IDE: variants seen among roughly 807,000 people sequenced by gnomAD.
IDE encodes insulin-degrading enzyme.
Under a neutral mutation model 133.2 loss-of-function variants are expected in IDE, and 58 were observed. That is an observed-to-expected ratio of 0.44 (90% CI 0.35 to 0.54). The LOEUF is 0.54. IDE is among the 20% of genes least tolerant of loss of function. The probability of loss-of-function intolerance (pLI) is 0.00; values close to 1 mark genes in which losing one functional copy is unlikely to be tolerated. For synonymous variants in IDE, 396 were observed against 421.3 expected, an observed-to-expected ratio of 0.94 and a Z score of 0.73; for missense variants, 981 against 1,234.0, an observed-to-expected ratio of 0.79 and a Z score of 3.07.
At chr10:92,490,159 G>A (rs906461451) in intron 12 of IDE, among the ~76,000 whole-genome samples, 1 of 152,194 alleles carries the variant, frequency 6.6e-6, no homozygotes, top group Non-Finnish European at 1.5e-5. Context: ...GAGCTCTTTG[G>A]AGCCCTTGCA....
chr10:92,489,145 C>A (rs762985599), intron 12 of IDE, among the ~76,000 whole-genome samples: 1 of 152,078 alleles, frequency 6.6e-6, no homozygotes, highest in African/African-American at 2.4e-5. Context: ...GCACTGGGGA[C>A]GTTGGCCATA....
chr10:92,491,417 T>C (rs1046534341), intron 11 of IDE, among the ~76,000 whole-genome samples: 1 of 152,084 alleles, frequency 6.6e-6, no homozygotes, highest in African/African-American at 2.4e-5. Context: ...TATGTTTTTT[T>C]CCCTGCCAGA....
intron 14 of IDE, among the ~76,000 whole-genome samples, chr10:92,482,976 T>C (rs1231184332): frequency 6.6e-6 from 1 of 152,080 alleles, no homozygotes; most frequent in East Asian, 1.9e-4. Context: ...GAGACGGGGT[T>C]TCACCGTGTT....
At chr10:92,536,859 G>A (rs1842034696) in intron 2 of IDE, among the ~76,000 whole-genome samples, 1 of 151,982 alleles carries the variant, frequency 6.6e-6, no homozygotes, top group Admixed American at 6.6e-5. Context: ...CCAACATGGT[G>A]AAACCCCATC....
At chr10:92,525,890 C>T (rs1849599879) in intron 4 of IDE, among the ~76,000 whole-genome samples, 1 of 152,024 alleles carries the variant, frequency 6.6e-6, no homozygotes, top group East Asian at 1.9e-4. Context: ...GGCGCAGTGG[C>T]TCACACCTCT....
At chr10:92,564,178 C>T (rs1835318705) in intron 1 of IDE, among the ~76,000 whole-genome samples, 1 of 151,836 alleles carries the variant, frequency 6.6e-6, no homozygotes, top group South Asian at 2.1e-4. Context: ...AAGGAGCAAG[C>T]CAAGAAAGAA....
intron 12 of IDE, among the ~76,000 whole-genome samples, chr10:92,490,189 A>C (rs1847259785): frequency 6.6e-6 from 1 of 152,158 alleles, no homozygotes; most frequent in Admixed American, 6.5e-5. Flanking sequence ...CATGCTTCCT[A>C]CTTCCATCGC....
chr10:92,504,830 T>C lies in IDE; in HGVS notation c.1394A>G (p.Glu465Gly). 2 of 1,596,162 alleles carry C rather than the reference T, an allele frequency of 1.3e-6. No individual in the cohort carries two copies. The highest frequency in any genetic ancestry group is 1.7e-6 in the Non-Finnish European group (2 of 1,168,524). ...TGGTCTGAGTTTATCGAGAACCATCTCTATTAAGTCAGGTCTAAATTCTTC... is the reference window on the plus strand; with the variant it reads ...TGGTCTGAGTTTATCGAGAACCATCCCTATTAAGTCAGGTCTAAATTCTTC... ...LLEEFRPDLI[E>G]MVLDKLRPEN... is the part of the protein sequence containing the mutation. The change falls in exon 11 of 25, where the codon GAG (glutamate) becomes GGG (glycine). Residue 465 changes from glutamate (E) to glycine (G), a missense_variant. Physicochemically the swap from Glu to Gly is moderately conservative, Grantham distance 98. This residue lies in a region of IDE where 660 missense variants were observed against 894.7 expected (regional missense o/e 0.74). Transcript: ENST00000265986.
Position 92,453,346 on chromosome 10 carries a change from T to C in IDE, c.*1098A>G, listed in dbSNP as rs968634705. The C allele has an allele frequency of 1.3e-5, 2 of 152,234 alleles. No homozygotes were observed. Among genetic ancestry groups the C allele is most frequent in the African/African-American group, 2.4e-5 (1 of 41,462 alleles). 9.4% of individuals were successfully genotyped at this position (152,234 alleles called of 1,614,324 possible). A position where few individuals can be genotyped will look rare whatever the true frequency, so the allele number is the denominator to read the frequency against. On this transcript the variant is annotated 3_prime_UTR_variant, in exon 25 of 25. Coordinates refer to ENST00000265986, the MANE Select transcript of IDE (RefSeq NM_004969.4). ...ATCTGTGTTTATATGTTTATATTTATATATTCAAAAAATAACTTAACATTT... is the reference window on the plus strand; with the variant it reads ...ATCTGTGTTTATATGTTTATATTTACATATTCAAAAAATAACTTAACATTT...
At chr10:92,481,360 T>G (rs915036493) in intron 14 of IDE, among the ~76,000 whole-genome samples, 2 of 152,162 alleles carry the variant, frequency 1.3e-5, no homozygotes, top group Non-Finnish European at 2.9e-5. Flanking sequence ...GAGGATCACT[T>G]GAGCCCAAGA....
At chr10:92,526,428 C>T (rs1000761110) in intron 4 of IDE, among the ~76,000 whole-genome samples, 1 of 152,062 alleles carries the variant, frequency 6.6e-6, no homozygotes, top group Non-Finnish European at 1.5e-5. Context: ...TCCTACTGTC[C>T]TTTCACAGCT....
intron 1 of IDE, among the ~76,000 whole-genome samples, chr10:92,552,892 A>C (rs979590335): frequency 1.4e-5 from 2 of 141,856 alleles, no homozygotes; most frequent in African/African-American, 5.0e-5. Flanking sequence ...TTTTCCAATA[A>C]AAGGAACTAA....
intron 11 of IDE, among the ~76,000 whole-genome samples, chr10:92,500,288 A>G (rs1847934622): frequency 6.7e-6 from 1 of 150,294 alleles, no homozygotes; most frequent in Admixed American, 6.7e-5. Flanking sequence ...CAAGAGTGAA[A>G]CTCCATCTCA....
intron 2 of IDE, among the ~76,000 whole-genome samples, chr10:92,536,568 C>T (rs1305707746): frequency 4.1e-5 from 6 of 147,836 alleles, no homozygotes; most frequent in Non-Finnish European, 7.5e-5. Context: ...CGTGGTGGCA[C>T]GCGCCTGTAA....
chr10:92,534,891 C>G (rs940005617), intron 2 of IDE, 106 bp from the exon 3 acceptor site: 1 of 753,800 alleles, frequency 1.3e-6, no homozygotes, highest in Non-Finnish European at 2.2e-6. Context: ...ACTATATAAT[C>G]AGAGAAAGTT....
chr10:92,479,359 T>C lies in IDE; in HGVS notation c.1802A>G (p.Lys601Arg), dbSNP rs1846465518. 3 of 1,613,222 alleles carry C rather than the reference T, an allele frequency of 1.9e-6. No homozygotes were observed. Among genetic ancestry groups the C allele is most frequent in the African/African-American group, 2.7e-5 (2 of 75,020 alleles). The change falls in exon 15 of 25, where the codon AAA (lysine) becomes AGA (arginine). Residue 601 changes from lysine (K) to arginine (R), a missense_variant. Physicochemically the swap from Lys to Arg is conservative, Grantham distance 26. Coordinates refer to ENST00000265986, the MANE Select transcript of IDE (RefSeq NM_004969.4). Reference protein sequence around the residue: ...NMAYLYLELLKDSLNEYAYAA... With the variant: ...NMAYLYLELLRDSLNEYAYAA... ...ATATGCATACTCGTTGAGTGAGTCTTTGAGGAGCTCAAGGTACAAATAGGC... is the reference window on the plus strand; with the variant it reads ...ATATGCATACTCGTTGAGTGAGTCTCTGAGGAGCTCAAGGTACAAATAGGC...
intron 5 of IDE, among the ~76,000 whole-genome samples, chr10:92,512,844 A>G (rs904038384): frequency 4.6e-5 from 7 of 152,254 alleles, no homozygotes; most frequent in African/African-American, 1.7e-4. Context: ...CCATAATTTC[A>G]TGATTATAAA....
At chr10:92,552,191 G>C (rs1302340439) in intron 1 of IDE, among the ~76,000 whole-genome samples, 1 of 152,062 alleles carries the variant, frequency 6.6e-6, no homozygotes, top group Non-Finnish European at 1.5e-5. Context: ...TAAAGCCTAA[G>C]AGAAAAAGAA....
intron 1 of IDE, among the ~76,000 whole-genome samples, chr10:92,566,037 C>CATAATT (rs1221123220): frequency 2.6e-5 from 4 of 151,700 alleles, no homozygotes; most frequent in African/African-American, 9.7e-5. Flanking sequence ...CACTCTCCCA[C>CATAATT]ATAATTACCG....
Sources: gnomAD v4.1 joint callset for allele counts (sites outside exome capture counted in the v4.1 genomes callset) on GRCh38, gnomAD v4.1.1 for gene constraint, gnomAD v4.1.1 regional missense constraint, MANE v1.5 for transcripts, NCBI Gene and HGNC (gene_info 2026-07-23, HGNC 2026-07-21) for gene names.